TSPAN5: variants seen among roughly 807,000 people sequenced by gnomAD.
TSPAN5 encodes the protein tetraspanin 5, also known as tetraspanin-5.
In TSPAN5, 10 loss-of-function variants were observed where a neutral mutation model predicts 37.1. That is an observed-to-expected ratio of 0.27 (90% CI 0.17 to 0.46). The LOEUF is 0.46. TSPAN5 is among the 20% of genes least tolerant of loss of function. The pLI, the probability that TSPAN5 is intolerant of heterozygous loss-of-function variation, is 1.00. For missense variants in TSPAN5, 195 were observed against 326.6 expected, an observed-to-expected ratio of 0.60 and a Z score of 3.11; for synonymous variants, 110 against 118.9, an observed-to-expected ratio of 0.93 and a Z score of 0.48.
At chr4:98,540,601 G>A (rs1266690199) in intron 1 of TSPAN5, among the ~76,000 whole-genome samples, 1 of 152,168 alleles carries the variant, frequency 6.6e-6, no homozygotes, top group Admixed American at 6.5e-5. Flanking sequence ...GCCTCCCAAA[G>A]TCCTGGGATT....
At chr4:98,532,502 G>A (rs969089840) in intron 1 of TSPAN5, among the ~76,000 whole-genome samples, 3 of 152,104 alleles carry the variant, frequency 2.0e-5, no homozygotes, top group Admixed American at 6.5e-5. Context: ...GTCTGTTATT[G>A]GTGTATAGCA....
At chr4:98,657,938 T>C (rs1016767181) in intron 1 of TSPAN5, among the ~76,000 whole-genome samples, 1 of 152,224 alleles carries the variant, frequency 6.6e-6, no homozygotes. Flanking sequence ...CCGCCTCGAT[T>C]TCTCTTTTCA....
chr4:98,517,995 G>A (rs914550621), intron 1 of TSPAN5, among the ~76,000 whole-genome samples: 3 of 152,102 alleles, frequency 2.0e-5, no homozygotes, highest in African/African-American at 4.8e-5. Context: ...AATAAACTGC[G>A]GTTTGCATTA....
chr4:98,507,651 T>A (rs1453068525), intron 2 of TSPAN5, 27 bp downstream of exon 2: 1 of 1,578,752 alleles, frequency 6.3e-7, no homozygotes. Flanking sequence ...AACCACGATG[T>A]GTGCATTGTC....
intron 1 of TSPAN5, among the ~76,000 whole-genome samples, chr4:98,591,782 G>A (rs972138328): frequency 8.0e-5 from 12 of 150,338 alleles, no homozygotes; most frequent in African/African-American, 2.0e-4. Context: ...CATGCATTAC[G>A]TTCCCATTAG....
rs1752602214 is a variant in TSPAN5 at position 98,472,253 on chromosome 4, T to C, written c.*269A>G. ...CTGGGTCCCCTACCCTCCCTTTTTT[T>C]CTTTTTTGGTAAGCATCTAACTGTC... On this transcript the variant is annotated 3_prime_UTR_variant, in exon 8 of 8. Coordinates refer to ENST00000305798, the MANE Select transcript of TSPAN5 (RefSeq NM_005723.4). 5.7e-6 allele frequency: 2 copies of C among 348,702 alleles called. No homozygotes were observed. The allele number at this position is 348,702 out of a possible 1,614,324, so 21.6% of individuals were successfully genotyped here.
chr4:98,592,421 GTTTTTTGTTTTTT>G (rs1456126460), intron 1 of TSPAN5, among the ~76,000 whole-genome samples: 2 of 95,280 alleles, frequency 2.1e-5, no homozygotes, highest in Non-Finnish European at 4.0e-5. Context: ...AGGGATCTCT[GTTTTTTGTTTTTT>G]TTTTTTTTTT....
At chr4:98,646,136 C>T in intron 1 of TSPAN5, among the ~76,000 whole-genome samples, 1 of 151,980 alleles carries the variant, frequency 6.6e-6, no homozygotes, top group East Asian at 1.9e-4. Context: ...CTCATCGCAT[C>T]CCATTATGCC....
intron 2 of TSPAN5, among the ~76,000 whole-genome samples, chr4:98,501,127 G>C (rs892168194): frequency 6.6e-6 from 1 of 152,148 alleles, no homozygotes; most frequent in Non-Finnish European, 1.5e-5. Context: ...TCCATGAAAT[G>C]AGATAATCAT....
intron 2 of TSPAN5, among the ~76,000 whole-genome samples, chr4:98,504,185 C>T (rs1278457050): frequency 6.6e-6 from 1 of 152,164 alleles, no homozygotes; most frequent in Non-Finnish European, 1.5e-5. Context: ...GAAATCTCAT[C>T]CTTCCAGCTA....
intron 1 of TSPAN5, among the ~76,000 whole-genome samples, chr4:98,626,534 C>T (rs1756606008): frequency 1.3e-5 from 2 of 151,988 alleles, no homozygotes; most frequent in African/African-American, 4.8e-5. Context: ...TCCTACCACT[C>T]TCCTCTCCCC....
At chr4:98,609,821 G>A (rs1243919750) in intron 1 of TSPAN5, among the ~76,000 whole-genome samples, 2 of 152,184 alleles carry the variant, frequency 1.3e-5, no homozygotes, top group Non-Finnish European at 1.5e-5. Context: ...GAGACCAGGG[G>A]AGACAGGGCT....
At chr4:98,508,868 T>C (rs1205501412) in intron 1 of TSPAN5, among the ~76,000 whole-genome samples, 1 of 152,178 alleles carries the variant, frequency 6.6e-6, no homozygotes, top group Non-Finnish European at 1.5e-5. Context: ...TTCCATCTGC[T>C]ATAAGATACA....
chr4:98,595,674 T>C (rs900688877), intron 1 of TSPAN5, among the ~76,000 whole-genome samples: 1 of 131,136 alleles, frequency 7.6e-6, no homozygotes, highest in Non-Finnish European at 1.5e-5. Context: ...TCTTTATTTC[T>C]GCCTTCATTT....
intron 1 of TSPAN5, among the ~76,000 whole-genome samples, chr4:98,518,678 A>C (rs1195740188): frequency 6.6e-6 from 1 of 152,248 alleles, no homozygotes; most frequent in East Asian, 1.9e-4. Flanking sequence ...GAGCAGAGAG[A>C]GCCAGACAAG....
At chr4:98,601,051 T>C (rs1755871155) in intron 1 of TSPAN5, among the ~76,000 whole-genome samples, 1 of 152,224 alleles carries the variant, frequency 6.6e-6, no homozygotes. Context: ...AGTAATATTT[T>C]GGAAAGGATC....
intron 1 of TSPAN5, among the ~76,000 whole-genome samples, chr4:98,552,390 T>G (rs1754643195): frequency 1.3e-5 from 2 of 152,256 alleles, no homozygotes; most frequent in African/African-American, 4.8e-5. Flanking sequence ...CACTATGCTG[T>G]ATTTTCATTT....
At chr4:98,612,096 G>A (rs1756209949) in intron 1 of TSPAN5, among the ~76,000 whole-genome samples, 1 of 152,190 alleles carries the variant, frequency 6.6e-6, no homozygotes, top group Non-Finnish European at 1.5e-5. Context: ...CAGTAAATCT[G>A]CCAGAATTCC....
At chr4:98,590,028 T>C (rs182821918) in intron 1 of TSPAN5, among the ~76,000 whole-genome samples, 9 of 152,276 alleles carry the variant, frequency 5.9e-5, no homozygotes, top group African/African-American at 2.2e-4. Context: ...CATCCTACTG[T>C]ACGAAATTCC....
Sources: allele counts gnomAD v4.1 joint callset (sites outside exome capture counted in the v4.1 genomes callset), GRCh38; gene constraint gnomAD v4.1.1; transcripts MANE v1.5; gene names NCBI Gene and HGNC (gene_info 2026-07-23, HGNC 2026-07-21).